Variants in MOB3B observed in about 807,000 individuals in gnomAD.
MOB3B encodes the protein MOB kinase activator 3B.
In MOB3B, 7 loss-of-function variants were observed where a neutral mutation model predicts 18.7. The ratio of observed to expected loss-of-function variants is 0.37; its 90% confidence interval spans 0.21 to 0.70. The LOEUF (loss-of-function observed/expected upper bound fraction) is 0.70. Ranked by LOEUF, MOB3B falls within the 30% of genes least tolerant of loss-of-function variation. The pLI, the probability that MOB3B is intolerant of heterozygous loss-of-function variation, is 0.52. For synonymous variants in MOB3B, 111 were observed against 99.9 expected, an observed-to-expected ratio of 1.11 and a Z score of -0.66; for missense variants, 253 against 281.3, an observed-to-expected ratio of 0.90 and a Z score of 0.72.
chr9:27,367,056 G>C (rs1001780915), intron 2 of MOB3B, among the ~76,000 whole-genome samples: 1 of 152,226 alleles, frequency 6.6e-6, no homozygotes, highest in Non-Finnish European at 1.5e-5. Context: ...ACGGTGTCCA[G>C]CCTCCTCACA....
chr9:27,469,825 C>T (rs1178282171), intron 1 of MOB3B, among the ~76,000 whole-genome samples: 11 of 152,164 alleles, frequency 7.2e-5, no homozygotes, highest in African/African-American at 2.7e-4. Flanking sequence ...GTAGCTGACA[C>T]CTAGAATTTC....
At chr9:27,432,897 A>G (rs1014765142) in intron 2 of MOB3B, among the ~76,000 whole-genome samples, 12 of 152,206 alleles carry the variant, frequency 7.9e-5, no homozygotes, top group African/African-American at 2.7e-4. Context: ...GCTGTTTTCC[A>G]TCTTTGCTAA....
At chr9:27,514,571 G>C (rs1035586554) in intron 1 of MOB3B, among the ~76,000 whole-genome samples, 1 of 152,200 alleles carries the variant, frequency 6.6e-6, no homozygotes, top group Admixed American at 6.5e-5. Context: ...TTTCCCAGAA[G>C]TTCCTCTGTA....
Position 27,330,099 on chromosome 9 carries a change from G to T in MOB3B, c.*488C>A. 1 of 158,366 alleles carries T rather than the reference G, an allele frequency of 6.3e-6. No individual in the cohort carries two copies. The highest frequency in any genetic ancestry group is 1.4e-5 in the Non-Finnish European group (1 of 72,164). 9.8% of individuals were successfully genotyped at this position (158,366 alleles called of 1,614,324 possible). ...TCAGAGCAGGAGCTTTTAGAGACCT[G>T]AAAGGAAGGCTTATTGCATAAAAAC... On this transcript the variant is annotated 3_prime_UTR_variant, in exon 4 of 4. Transcript: ENST00000262244.
At chr9:27,349,415 C>A (rs1821074542) in intron 3 of MOB3B, among the ~76,000 whole-genome samples, 1 of 152,014 alleles carries the variant, frequency 6.6e-6, no homozygotes. Flanking sequence ...CATTCAAACC[C>A]CAAGTTAATA....
At chr9:27,369,906 A>G (rs1821391354) in intron 2 of MOB3B, among the ~76,000 whole-genome samples, 1 of 150,052 alleles carries the variant, frequency 6.7e-6, no homozygotes, top group Non-Finnish European at 1.5e-5. Flanking sequence ...TTCTTCCATG[A>G]CAATACTACC....
intron 1 of MOB3B, among the ~76,000 whole-genome samples, chr9:27,479,212 AG>A (rs1465756455): frequency 6.6e-6 from 1 of 152,202 alleles, no homozygotes; most frequent in East Asian, 1.9e-4. Context: ...TCATGGCAGA[AG>A]GCATCATATG....
chr9:27,469,640 A>G (rs1819440665), intron 1 of MOB3B, among the ~76,000 whole-genome samples: 1 of 152,162 alleles, frequency 6.6e-6, no homozygotes, highest in Admixed American at 6.5e-5. Context: ...GTGCCCAGAA[A>G]ACTGAAGTGA....
intron 2 of MOB3B, among the ~76,000 whole-genome samples, chr9:27,440,021 T>C (rs1390948319): frequency 6.6e-6 from 1 of 152,108 alleles, no homozygotes; most frequent in Non-Finnish European, 1.5e-5. Flanking sequence ...GGAGAGAAAA[T>C]GGTAGACATC....
At chr9:27,367,411 T>C (rs1323272358) in intron 2 of MOB3B, among the ~76,000 whole-genome samples, 3 of 152,240 alleles carry the variant, frequency 2.0e-5, no homozygotes, top group Admixed American at 2.0e-4. Flanking sequence ...GTTTGGCTTT[T>C]ACTTTCCCAA....
rs140106577 is a variant in MOB3B at position 27,385,972 on chromosome 9, C to T, written c.419-26736G>A. Among the ~76,000 whole-genome samples the T allele has an allele frequency of 6.0e-3, 914 of 152,352 alleles. 5 individuals are homozygous for T. The highest frequency in any genetic ancestry group is 0.021 in the African/African-American group (892 of 41,580). ...GATTCGCTGACACTTTGCCCTCAGA[C>T]ATGTCTAGGGAGATCTGCAACCTGC... On this transcript the variant is annotated intron_variant, in intron 2 of 3. Transcript: ENST00000262244.
At chr9:27,513,717 C>T (rs1200329813) in intron 1 of MOB3B, among the ~76,000 whole-genome samples, 5 of 152,210 alleles carry the variant, frequency 3.3e-5, no homozygotes, top group Admixed American at 2.0e-4. Flanking sequence ...ATCACCTCCC[C>T]GAGTTACCTT....
chr9:27,465,078 A>C (rs12344597), intron 1 of MOB3B, among the ~76,000 whole-genome samples: 16,504 of 152,168 alleles, frequency 0.11, 890 homozygotes, highest in African/African-American at 0.11. Flanking sequence ...GTCTTAACTC[A>C]TTTCAGCATT....
At chr9:27,484,813 G>T (rs746246958) in intron 1 of MOB3B, among the ~76,000 whole-genome samples, 1 of 152,192 alleles carries the variant, frequency 6.6e-6, no homozygotes, top group East Asian at 1.9e-4. Flanking sequence ...TTTTCTGCAG[G>T]CTGTCAAACC....
chr9:27,354,761 A>T (rs764613591), intron 3 of MOB3B, among the ~76,000 whole-genome samples: 1 of 152,312 alleles, frequency 6.6e-6, no homozygotes, highest in Admixed American at 6.5e-5. Context: ...CAAAGAGTTG[A>T]CAATCCCATG....
intron 2 of MOB3B, among the ~76,000 whole-genome samples, chr9:27,369,185 G>A (rs1335536195): frequency 6.6e-6 from 1 of 152,134 alleles, no homozygotes; most frequent in Non-Finnish European, 1.5e-5. Context: ...ATAGGTCTAG[G>A]ACTACCACAC....
chr9:27,429,393 A>G (rs1254901810), intron 2 of MOB3B, among the ~76,000 whole-genome samples: 1 of 152,248 alleles, frequency 6.6e-6, no homozygotes, highest in Non-Finnish European at 1.5e-5. Context: ...TCTCACACAG[A>G]CAACAGCTGA....
intron 1 of MOB3B, among the ~76,000 whole-genome samples, chr9:27,521,368 T>C (rs765105637): frequency 1.3e-5 from 2 of 152,216 alleles, no homozygotes; most frequent in Non-Finnish European, 2.9e-5. Flanking sequence ...TAGCCAAATG[T>C]GCAGCCATCT....
At chr9:27,510,944 A>G (rs1820132513) in intron 1 of MOB3B, among the ~76,000 whole-genome samples, 1 of 152,172 alleles carries the variant, frequency 6.6e-6, no homozygotes, top group South Asian at 2.1e-4. Context: ...TTGCCACAGA[A>G]GTCAGAAATG....
Sources: gnomAD v4.1 joint callset for allele counts (sites outside exome capture counted in the v4.1 genomes callset) on GRCh38, gnomAD v4.1.1 for gene constraint, MANE v1.5 for transcripts, NCBI Gene and HGNC (gene_info 2026-07-23, HGNC 2026-07-21) for gene names.